AGA: variants seen among roughly 807,000 people sequenced by gnomAD.
AGA encodes N(4)-(beta-N-acetylglucosaminyl)-L-asparaginase.
AGA carries 31 observed loss-of-function variants against 40.1 expected under a neutral mutation model. The ratio of observed to expected loss-of-function variants is 0.77; its 90% CI spans 0.58 to 1.04. The LOEUF (loss-of-function observed/expected upper bound fraction) is 1.04, where lower values mean the gene tolerates loss of function less well. AGA is among the 50% of genes least tolerant of loss of function. The pLI, the probability that AGA is intolerant of heterozygous loss-of-function variation, is 0.00. For missense variants in AGA, 445 were observed against 435.4 expected, an observed-to-expected ratio of 1.02 and a Z score of -0.20; for synonymous variants, 148 against 144.0, an observed-to-expected ratio of 1.03 and a Z score of -0.20.
chr4:177,436,144 T>C (rs1351224402), intron 6 of AGA, 132 bp downstream of exon 6: 8 of 770,600 alleles, frequency 1.0e-5, no homozygotes, highest in African/African-American at 1.7e-5. Flanking sequence ...CAGAGAGTAC[T>C]GCATTTTCTT....
chr4:177,436,201 C>A, intron 6 of AGA, 75 bp downstream of exon 6: 2 of 1,236,590 alleles, frequency 1.6e-6, no homozygotes, highest in South Asian at 1.2e-5. Context: ...TGCTTTGCAA[C>A]CCCCATAGCA....
In AGA at chr4:177,439,456, G is replaced by T. The variant is rs889991107; in HGVS notation, c.394+120C>A. On this transcript the variant is annotated intron_variant, in intron 3 of 8. Coordinates refer to ENST00000264595, the MANE Select transcript of AGA (RefSeq NM_000027.4). ...AAGTTACTTATCCAGTTCAATAGAT[G>T]TTAAGTAAAACAGCTGGAATTTGAA... is the stretch of plus-strand genomic sequence containing the variant. 1.2e-5 allele frequency: 10 copies of T among 805,892 alleles called. 1 individual carries two copies. Among genetic ancestry groups the T allele is most frequent in the South Asian group, 1.1e-4 (8 of 73,842 alleles). The allele number at this position is 805,892 out of a possible 1,614,324, so 49.9% of individuals were successfully genotyped here.
intron 5 of AGA, chr4:177,437,083 A>G (rs540179237): frequency 3.0e-6 from 1 of 337,358 alleles, no homozygotes; most frequent in Non-Finnish European, 5.6e-6. Flanking sequence ...GACATAGACT[A>G]ATGTAAATTT....
Position 177,440,418 on chromosome 4 carries a change from C to A in AGA, c.136G>T (p.Ala46Ser). 6.2e-7 allele frequency: 1 copy of A among 1,613,832 alleles called. No individual in the cohort carries two copies. Reference protein sequence around the residue: ...FKNATEAAWRALASGGSALDA... With the variant: ...FKNATEAAWRSLASGGSALDA... ...AGGGCAGAGCCTCCAGATGCTAATGCCCTCCACGCTGTTAATCAAATCCCA... is the reference window on the plus strand; with the variant it reads ...AGGGCAGAGCCTCCAGATGCTAATGACCTCCACGCTGTTAATCAAATCCCA... The change falls in exon 2 of 9, where the codon GCA becomes TCA. Residue 46 changes from alanine to serine, a missense_variant. Ala to Ser is a moderately conservative substitution (Grantham distance 99). Coordinates refer to ENST00000264595, the MANE Select transcript of AGA (RefSeq NM_000027.4).
chr4:177,440,055 C>T, intron 2 of AGA: 1 of 612,492 alleles, frequency 1.6e-6, no homozygotes. Context: ...TGGCATTCTC[C>T]CAGTTCTAAG....
At chr4:177,434,526 G>T (rs763153208) in intron 6 of AGA, 37 bp from the exon 7 acceptor site, 2 of 1,547,190 alleles carry the variant, frequency 1.3e-6, no homozygotes, top group Admixed American at 3.3e-5. Context: ...GCAGGAAATC[G>T]AGTGTAAAAC....
At chr4:177,442,022 G>T (rs933043822) in intron 1 of AGA, among the ~76,000 whole-genome samples, 1 of 152,224 alleles carries the variant, frequency 6.6e-6, no homozygotes, top group South Asian at 2.1e-4. Context: ...CATGAAGGGA[G>T]GACCTAAAAT....
At chr4:177,437,653 C>G (rs1251548814) in intron 4 of AGA, 134 bp from the exon 5 acceptor site, 2 of 665,514 alleles carry the variant, frequency 3.0e-6, no homozygotes, top group East Asian at 5.6e-5. Flanking sequence ...GAATTAAAAG[C>G]TAAGAAATCA....
chr4:177,436,976 TG>T (rs1412217041), intron 5 of AGA: 3 of 232,716 alleles, frequency 1.3e-5, no homozygotes, highest in Non-Finnish European at 2.5e-5. Flanking sequence ...GCCCTGTTCT[TG>T]AACTTCTCAG....
At chr4:177,440,450 C>T (rs1736961068) in intron 1 of AGA, 24 bp from the exon 2 acceptor site, 2 of 1,610,212 alleles carry the variant, frequency 1.2e-6, no homozygotes, top group Admixed American at 1.7e-5. Flanking sequence ...CCCAATAATG[C>T]TTGTTTATAT....
At position 177,431,635 on chromosome 4, in the gene AGA, T is replaced by C. The variant is rs1231544649; in HGVS notation, c.*73A>G. The C allele has an allele frequency of 8.1e-7, 1 of 1,229,142 alleles. No homozygotes were observed. The highest frequency in any genetic ancestry group is 1.2e-6 in the Non-Finnish European group (1 of 839,410). The allele number at this position is 1,229,142 out of a possible 1,614,324, so 76.1% of individuals were successfully genotyped here. On this transcript the variant is annotated 3_prime_UTR_variant, in exon 9 of 9. Coordinates refer to ENST00000264595, the MANE Select transcript of AGA (RefSeq NM_000027.4). ...TTTAGAACACATGAGGAACACTAGA[T>C]GATGAGAGTGAGCAGCCTTTTCAGC...
intron 4 of AGA, among the ~76,000 whole-genome samples, chr4:177,438,528 T>G (rs1051921514): frequency 4.6e-5 from 7 of 152,178 alleles, no homozygotes; most frequent in Non-Finnish European, 7.3e-5. Flanking sequence ...AAAACTATTG[T>G]GAGAGACCAG....
In AGA at chr4:177,431,282, T is replaced by G. The variant is rs1281667497; in HGVS notation, c.*426A>C. On this transcript the variant is annotated 3_prime_UTR_variant, in exon 9 of 9. Transcript: ENST00000264595. ...ATGCATCACTGTGACATAATGAAAT[T>G]CAATCAGGACTGATCATGCTGAGAC... 6.8e-6 allele frequency: 3 copies of G among 439,558 alleles called. No individual in the cohort carries two copies. In the East Asian group the frequency reaches 2.1e-4, roughly 31 times the overall value. The allele number at this position is 439,558 out of a possible 1,614,324, so 27.2% of individuals were successfully genotyped here. A position where few individuals can be genotyped will look rare whatever the true frequency, so the allele number is the denominator to read the frequency against.
intron 5 of AGA, 194 bp downstream of exon 5, chr4:177,437,210 GT>G: frequency 1.8e-6 from 1 of 567,424 alleles, no homozygotes. Flanking sequence ...TAGTCATTGG[GT>G]TTTAGGTGTC....
intron 4 of AGA, among the ~76,000 whole-genome samples, 165 bp from the exon 5 acceptor site, chr4:177,437,684 AATAAG>A (rs962064692): frequency 6.6e-6 from 1 of 152,226 alleles, no homozygotes; most frequent in South Asian, 2.1e-4. Flanking sequence ...TATAAAAACA[AATAAG>A]ATAAATAATT....
At chr4:177,440,903 G>A (rs1047086013) in intron 1 of AGA, among the ~76,000 whole-genome samples, 4 of 152,104 alleles carry the variant, frequency 2.6e-5, no homozygotes, top group African/African-American at 7.2e-5. Flanking sequence ...CAATTACAAC[G>A]TGGACTTCAT....
At chr4:177,441,838 C>T (rs1217369319) in intron 1 of AGA, among the ~76,000 whole-genome samples, 1 of 152,108 alleles carries the variant, frequency 6.6e-6, no homozygotes, top group Non-Finnish European at 1.5e-5. Flanking sequence ...GGCTGGGACA[C>T]TATTAGTCGT....
At position 177,439,688 on chromosome 4, in the gene AGA, G is replaced by C; in HGVS notation, c.282C>G (p.Gly94=). The change falls in exon 3 of 9, where the codon GGC becomes GGG. Residue 94 remains glycine, a splice_region_variant and synonymous_variant. Coordinates refer to ENST00000264595, the MANE Select transcript of AGA (RefSeq NM_000027.4). ...CTACTGCTCCTACATCCATAGTAGT[G>C]CTGCAAGAAAATAGAATGCAGTTAG... The part of the protein sequence containing the change: ...ETTLDAMIMD[G]TTMDVGAVGD... 2 of 1,598,350 alleles carry C rather than the reference G, an allele frequency of 1.3e-6. No individual in the cohort carries two copies. Among genetic ancestry groups the C allele is most frequent in the Middle Eastern group, 3.3e-4 (2 of 6,044 alleles).
rs753625719 is a variant in AGA at position 177,431,783 on chromosome 4, T to A, written c.966A>T (p.Thr322=). The A allele has an allele frequency of 6.2e-7, 1 of 1,613,796 alleles. No individual in the cohort carries two copies. The highest frequency in any genetic ancestry group is 8.5e-7 in the Non-Finnish European group (1 of 1,179,832). Residue 322 remains threonine (T), a synonymous_variant, in exon 9 of 9, where the codon ACA becomes ACT. Coordinates refer to ENST00000264595, the MANE Select transcript of AGA (RefSeq NM_000027.4). ...AAACCATGAAACTAAACTGAGTAAA[T>A]GTTGAAAGTTTATTGCAAGCAGCAC... ...SYGAACNKLS[T]FTQFSFMVYN... is the part of the protein sequence containing the mutation.
Sources: gnomAD v4.1 joint callset for allele counts (sites outside exome capture counted in the v4.1 genomes callset) on GRCh38, gnomAD v4.1.1 for gene constraint, MANE v1.5 for transcripts, NCBI Gene and HGNC (gene_info 2026-07-23, HGNC 2026-07-21) for gene names.